The following FSTL5 variants were observed in gnomAD, a reference collection of about 807,000 sequenced individuals.
FSTL5 encodes follistatin-related protein 5.
FSTL5 carries 62 observed loss-of-function variants against 89.1 expected under a neutral mutation model. That is an observed-to-expected ratio of 0.70 (90% CI 0.57 to 0.86). The LOEUF (loss-of-function observed/expected upper bound fraction) is 0.86, where lower values mean the gene tolerates loss of function less well. FSTL5 is among the 40% of genes least tolerant of loss of function. The pLI, the probability that FSTL5 is intolerant of heterozygous loss-of-function variation, is 0.00. For missense variants in FSTL5, 1,057 were observed against 1,001.6 expected, an observed-to-expected ratio of 1.06 and a Z score of -0.75; for synonymous variants, 383 against 346.2, an observed-to-expected ratio of 1.11 and a Z score of -1.18.
chr4:162,051,222 T>C (rs1738369437), intron 2 of FSTL5, among the ~76,000 whole-genome samples: 1 of 151,490 alleles, frequency 6.6e-6, no homozygotes, highest in Non-Finnish European at 1.5e-5. Flanking sequence ...AATATATCTG[T>C]AACAGGTATC....
At chr4:161,851,755 T>G (rs961125515) in intron 4 of FSTL5, among the ~76,000 whole-genome samples, 1 of 152,050 alleles carries the variant, frequency 6.6e-6, no homozygotes, top group Non-Finnish European at 1.5e-5. Context: ...GAGAATTTTT[T>G]TTTTTTGATA....
chr4:161,462,261 C>G (rs970347045), intron 13 of FSTL5, among the ~76,000 whole-genome samples: 7 of 152,168 alleles, frequency 4.6e-5, no homozygotes, highest in African/African-American at 1.7e-4. Context: ...AAGACACTCC[C>G]TCTTAGTTGA....
At chr4:161,692,870 C>G (rs1179060438) in intron 6 of FSTL5, among the ~76,000 whole-genome samples, 2 of 152,070 alleles carry the variant, frequency 1.3e-5, no homozygotes, top group South Asian at 4.2e-4. Flanking sequence ...ATTACAGGCA[C>G]ACGCCACCAC....
At chr4:161,571,982 T>C (rs1733031166) in intron 8 of FSTL5, among the ~76,000 whole-genome samples, 1 of 152,124 alleles carries the variant, frequency 6.6e-6, no homozygotes, top group Non-Finnish European at 1.5e-5. Context: ...CCTCTTCTTT[T>C]TTAAATACAC....
At chr4:161,791,171 A>G (rs1395861330) in intron 4 of FSTL5, among the ~76,000 whole-genome samples, 1 of 151,676 alleles carries the variant, frequency 6.6e-6, no homozygotes, top group Non-Finnish European at 1.5e-5. Flanking sequence ...GAGAAGTCCA[A>G]AGAATTAGGG....
At chr4:161,878,747 T>C (rs1196703858) in intron 4 of FSTL5, among the ~76,000 whole-genome samples, 1 of 152,094 alleles carries the variant, frequency 6.6e-6, no homozygotes, top group Non-Finnish European at 1.5e-5. Flanking sequence ...CCTGAAAAGA[T>C]CACATTTTAA....
chr4:161,656,596 A>G lies in FSTL5; in HGVS notation c.728-102T>C, dbSNP rs931627503. The G allele has an allele frequency of 6.8e-6, 4 of 589,862 alleles. No homozygotes were observed. In the Admixed American group the frequency reaches 1.7e-4, roughly 24 times the overall value. The allele number at this position is 589,862 out of a possible 1,614,324, so 36.5% of individuals were successfully genotyped here. ...AGTAATTAAGGCTTTTAATTTGAAT[A>G]AAAGGGAAAAAAGCTTGTGATGAAA... is the stretch of plus-strand genomic sequence containing the variant. On this transcript the variant is annotated intron_variant, in intron 6 of 15. Coordinates refer to ENST00000306100, the MANE Select transcript of FSTL5 (RefSeq NM_020116.5).
At chr4:162,079,642 T>C (rs1246158925) in intron 2 of FSTL5, among the ~76,000 whole-genome samples, 2 of 151,430 alleles carry the variant, frequency 1.3e-5, no homozygotes, top group Non-Finnish European at 3.0e-5. Flanking sequence ...TTCTTCAGGG[T>C]AGGATCAGAG....
intron 10 of FSTL5, among the ~76,000 whole-genome samples, chr4:161,524,207 A>C (rs1370899935): frequency 1.3e-5 from 2 of 152,172 alleles, no homozygotes; most frequent in African/African-American, 4.8e-5. Context: ...TTCAAACTCA[A>C]CCAACAACCA....
chr4:161,617,858 T>C (rs1168977603), intron 7 of FSTL5, among the ~76,000 whole-genome samples: 1 of 152,226 alleles, frequency 6.6e-6, no homozygotes, highest in African/African-American at 2.4e-5. Flanking sequence ...TCAGCTGGCC[T>C]GCACTTTAAG....
chr4:162,157,242 G>T (rs901120442), intron 1 of FSTL5, among the ~76,000 whole-genome samples: 50 of 152,086 alleles, frequency 3.3e-4, no homozygotes, highest in African/African-American at 1.2e-3. Flanking sequence ...GAAGAACAAT[G>T]TAATTTTTAA....
chr4:161,978,459 G>T (rs184415458), intron 3 of FSTL5, among the ~76,000 whole-genome samples: 1 of 151,794 alleles, frequency 6.6e-6, no homozygotes, highest in Non-Finnish European at 1.5e-5. Context: ...TGAAAAATAC[G>T]TCACTCATGC....
At chr4:161,672,253 G>A (rs887039281) in intron 6 of FSTL5, among the ~76,000 whole-genome samples, 39 of 152,078 alleles carry the variant, frequency 2.6e-4, no homozygotes, top group Non-Finnish European at 2.5e-4. Context: ...AGAGTATTTA[G>A]TTTACAAAGT....
chr4:162,112,563 C>T (rs143776646), intron 1 of FSTL5, among the ~76,000 whole-genome samples: 215 of 152,168 alleles, frequency 1.4e-3, no homozygotes, highest in African/African-American at 4.9e-3. Context: ...GAATTTTAAA[C>T]TCCCTTTCTC....
chr4:161,873,406 G>A (rs1250365791), intron 4 of FSTL5, among the ~76,000 whole-genome samples: 1 of 151,842 alleles, frequency 6.6e-6, no homozygotes, highest in Non-Finnish European at 1.5e-5. Context: ...ACATACAAGA[G>A]CGACATATAA....
chr4:162,057,607 T>C (rs533536797), intron 2 of FSTL5, among the ~76,000 whole-genome samples: 1 of 152,296 alleles, frequency 6.6e-6, no homozygotes, highest in African/African-American at 2.4e-5. Flanking sequence ...CTTTAAAAGT[T>C]AGTTTTAATT....
At chr4:161,787,769 G>A (rs983033190) in intron 4 of FSTL5, among the ~76,000 whole-genome samples, 9 of 152,086 alleles carry the variant, frequency 5.9e-5, no homozygotes, top group Non-Finnish European at 1.0e-4. Context: ...TAACAGTAGC[G>A]ACAGTTCATG....
chr4:161,453,742 GCAC>G (rs1733253169), intron 15 of FSTL5, among the ~76,000 whole-genome samples: 1 of 152,012 alleles, frequency 6.6e-6, no homozygotes, highest in South Asian at 2.1e-4. Context: ...CTACAGACAT[GCAC>G]CACCATGTCG....
At chr4:162,049,105 A>G (rs1443345765) in intron 2 of FSTL5, among the ~76,000 whole-genome samples, 1 of 152,206 alleles carries the variant, frequency 6.6e-6, no homozygotes, top group African/African-American at 2.4e-5. Context: ...GAATATAGAC[A>G]TGGGTTTCCA....
Sources: gnomAD v4.1 joint callset for allele counts (sites outside exome capture counted in the v4.1 genomes callset) on GRCh38, gnomAD v4.1.1 for gene constraint, MANE v1.5 for transcripts, NCBI Gene and HGNC (gene_info 2026-07-23, HGNC 2026-07-21) for gene names.